Variants in CIT observed in about 807,000 individuals in gnomAD.
The protein encoded by CIT is citron rho-interacting serine/threonine kinase.
In CIT, 79 loss-of-function variants were observed where a neutral mutation model predicts 272.7. The ratio of observed to expected loss-of-function variants is 0.29; its 90% CI spans 0.24 to 0.35. The LOEUF (loss-of-function observed/expected upper bound fraction) is 0.35, where lower values mean the gene tolerates loss of function less well. CIT is among the 10% of genes least tolerant of loss of function. The probability of loss-of-function intolerance (pLI) is 1.00; values close to 1 mark genes in which losing one functional copy is unlikely to be tolerated. For synonymous variants in CIT, 948 were observed against 995.6 expected (o/e 0.95, Z 0.90); for missense variants, 1,909 against 2,618.3 (o/e 0.73, Z 5.91).
intron 10 of CIT, among the ~76,000 whole-genome samples, chr12:119,800,073 A>G (rs1966061264): frequency 6.6e-6 from 1 of 152,064 alleles, no homozygotes; most frequent in South Asian, 2.1e-4. Flanking sequence ...TGGGAAGGAA[A>G]AGAGCTGAGA....
chr12:119,796,177 C>T (rs1965716129), intron 10 of CIT, among the ~76,000 whole-genome samples: 3 of 152,204 alleles, frequency 2.0e-5, no homozygotes. Flanking sequence ...AGTTCAGGAG[C>T]AGCCATTAAT....
chr12:119,709,951 C>T (rs911900772), intron 39 of CIT, among the ~76,000 whole-genome samples: 3 of 152,058 alleles, frequency 2.0e-5, no homozygotes, highest in Admixed American at 6.6e-5. Context: ...ACGGTGGTTT[C>T]GTTGCAATCA....
At chr12:119,812,628 G>T (rs1305184802) in intron 9 of CIT, among the ~76,000 whole-genome samples, 3 of 151,588 alleles carry the variant, frequency 2.0e-5, no homozygotes, top group Non-Finnish European at 2.9e-5. Context: ...ATTATTTTTT[G>T]GTAGAGACAG....
At chr12:119,828,497 A>C in intron 7 of CIT, among the ~76,000 whole-genome samples, 1 of 152,098 alleles carries the variant, frequency 6.6e-6, no homozygotes, top group Middle Eastern at 3.2e-3. Flanking sequence ...TTAAAAGTGA[A>C]ACTGTAGTAG....
Position 119,784,855 on chromosome 12 carries a change from G to T in CIT, c.1401+105C>A. The T allele has an allele frequency of 6.6e-7, 1 of 1,506,964 alleles. No individual in the cohort carries two copies. Among genetic ancestry groups the T allele is most frequent in the South Asian group, 1.3e-5 (1 of 74,442 alleles). 93.3% of individuals were successfully genotyped at this position (1,506,964 alleles called of 1,614,324 possible). On this transcript the variant is annotated intron_variant, in intron 11 of 47. Transcript: ENST00000392521. The surrounding 1 kb of genome is among the most constrained non-coding windows in gnomAD (Gnocchi z 4.7). ...AAGGCAGGAGCGCCTCACTCTCTAC[G>T]GATCAGGCGGCTCAGAGCCAGCAGC...
At chr12:119,863,711 T>C (rs1305756328) in intron 3 of CIT, among the ~76,000 whole-genome samples, 1 of 151,342 alleles carries the variant, frequency 6.6e-6, no homozygotes, top group East Asian at 1.9e-4. Flanking sequence ...ATTTTTAGTA[T>C]AGAGACGGGG....
chr12:119,748,777 C>T (rs947316683), intron 23 of CIT, among the ~76,000 whole-genome samples: 8 of 152,166 alleles, frequency 5.3e-5, no homozygotes, highest in African/African-American at 1.7e-4. Flanking sequence ...TTGACAGAAT[C>T]GGTAAAAGAA....
At chr12:119,760,456 G>C (rs891493339) in intron 20 of CIT, among the ~76,000 whole-genome samples, 1 of 151,978 alleles carries the variant, frequency 6.6e-6, no homozygotes, top group Non-Finnish European at 1.5e-5. Flanking sequence ...GCAAGATCTC[G>C]TCTCTACAGA....
chr12:119,696,531 C>T (rs1956230547), intron 46 of CIT, among the ~76,000 whole-genome samples: 1 of 150,670 alleles, frequency 6.6e-6, no homozygotes, highest in African/African-American at 2.4e-5. Context: ...CCCTTCCCAT[C>T]CTTTTTTGAT....
intron 10 of CIT, among the ~76,000 whole-genome samples, chr12:119,788,677 G>A (rs1012467264): frequency 2.0e-5 from 3 of 152,128 alleles, no homozygotes; most frequent in East Asian, 1.9e-4. Context: ...CAAAAAAAAC[G>A]AAAGGCACTT....
chr12:119,850,915 G>A (rs1805506376), intron 4 of CIT, among the ~76,000 whole-genome samples: 1 of 152,126 alleles, frequency 6.6e-6, no homozygotes, highest in African/African-American at 2.4e-5. Flanking sequence ...AAGGGGAGGT[G>A]GGATACCAAC....
At position 119,784,803 on chromosome 12, in the gene CIT, T is replaced by C. The variant is rs1026478424; in HGVS notation, c.1401+157A>G. ...AGCAAGGCCCGAATTCATCTCCCTCTGAGCTGCTGGAGGCGCGACTTCAGC... is the reference window on the plus strand; with the variant it reads ...AGCAAGGCCCGAATTCATCTCCCTCCGAGCTGCTGGAGGCGCGACTTCAGC... On this transcript the variant is annotated intron_variant, in intron 11 of 47. Transcript: ENST00000392521. This position sits in a 1 kb window ranked among gnomAD's most constrained non-coding sequence, Gnocchi z 4.7. 2 of 1,443,082 alleles carry C rather than the reference T, an allele frequency of 1.4e-6. No homozygotes were observed. The highest frequency in any genetic ancestry group is 2.9e-5 in the African/African-American group (2 of 69,526). The allele number at this position is 1,443,082 out of a possible 1,614,324, so 89.4% of individuals were successfully genotyped here.
intron 10 of CIT, among the ~76,000 whole-genome samples, chr12:119,798,859 C>T (rs1328272543): frequency 2.0e-5 from 3 of 152,206 alleles, no homozygotes; most frequent in East Asian, 1.9e-4. Flanking sequence ...TGCCTTACTC[C>T]GCTAACTCCC....
chr12:119,873,207 A>G (rs1384888167), intron 2 of CIT, among the ~76,000 whole-genome samples: 1 of 152,166 alleles, frequency 6.6e-6, no homozygotes, highest in African/African-American at 2.4e-5. Context: ...ATTGGAAGCC[A>G]TAACTATTAC....
At chr12:119,772,283 T>C (rs1963247871) in intron 17 of CIT, among the ~76,000 whole-genome samples, 2 of 152,180 alleles carry the variant, frequency 1.3e-5, no homozygotes, top group Non-Finnish European at 2.9e-5. Context: ...GTGGTTCTGG[T>C]AAAATTATAC....
At position 119,688,289 on chromosome 12, in the gene CIT, C is replaced by G. The variant is rs371059680; in HGVS notation, c.6187-34G>C. On this transcript the variant is annotated intron_variant, in intron 47 of 47. Coordinates refer to ENST00000392521, the MANE Select transcript of CIT (RefSeq NM_001206999.2). ...GAAATAAGGAGGAGTGTTAGCCATC[C>G]GAGGCCAGAAGTTGCTGTGCTCACC... The G allele has an allele frequency of 2.5e-6, 4 of 1,608,184 alleles. No homozygotes were observed. In the East Asian group the frequency reaches 6.7e-5, roughly 27 times the overall value.
chr12:119,776,009 C>G (rs1015031704), intron 15 of CIT, among the ~76,000 whole-genome samples, 170 bp from the exon 16 acceptor site: 1 of 152,168 alleles, frequency 6.6e-6, no homozygotes, highest in Non-Finnish European at 1.5e-5. Context: ...GACTTTGTCC[C>G]AGTGCAAAGC....
chr12:119,721,042 C>A (rs1444110318), intron 29 of CIT, among the ~76,000 whole-genome samples: 2 of 152,196 alleles, frequency 1.3e-5, no homozygotes, highest in Non-Finnish European at 2.9e-5. Flanking sequence ...TCTCAGCCCA[C>A]TGCAACCTCC....
intron 9 of CIT, among the ~76,000 whole-genome samples, chr12:119,813,344 A>G (rs1289286598): frequency 6.6e-6 from 1 of 152,188 alleles, no homozygotes; most frequent in African/African-American, 2.4e-5. Context: ...GACACCAGAA[A>G]TCATTTCCAA....
Sources: gnomAD v4.1 joint callset for allele counts (sites outside exome capture counted in the v4.1 genomes callset) on GRCh38, gnomAD v4.1.1 for gene constraint, Gnocchi (gnomAD v3.1) non-coding constraint, MANE v1.5 for transcripts, NCBI Gene and HGNC (gene_info 2026-07-23, HGNC 2026-07-21) for gene names.